KCNG2: variants seen among roughly 807,000 people sequenced by gnomAD.
KCNG2 encodes the protein potassium voltage-gated channel modifier subfamily G member 2, also known as voltage-gated potassium channel regulatory subunit KCNG2.
A neutral mutation model predicts 12.3 loss-of-function variants in KCNG2; 7 were observed. The observed-to-expected ratio is 0.57, with a 90% CI of 0.32 to 1.07. The LOEUF (loss-of-function observed/expected upper bound fraction) is 1.07, where lower values mean the gene tolerates loss of function less well. KCNG2 is among the 50% of genes least tolerant of loss of function. The pLI, the probability that KCNG2 is intolerant of heterozygous loss-of-function variation, is 0.04. For synonymous variants in KCNG2, 414 were observed against 351.4 expected, an observed-to-expected ratio of 1.18 and a Z score of -1.99; for missense variants, 703 against 726.0, an observed-to-expected ratio of 0.97 and a Z score of 0.36.
intron 1 of KCNG2, among the ~76,000 whole-genome samples, chr18:79,849,481 C>T (rs1171176285): frequency 3.3e-5 from 5 of 152,224 alleles, no homozygotes; most frequent in Non-Finnish European, 5.9e-5. Context: ...CAAGGTCGTC[C>T]GCGTGCAGGA....
At chr18:79,870,196 G>A (rs991262758) in intron 3 of KCNG2, among the ~76,000 whole-genome samples, 3 of 152,240 alleles carry the variant, frequency 2.0e-5, no homozygotes, top group Non-Finnish European at 4.4e-5. Context: ...AGCCCCCCAC[G>A]TCGAAGGCGC....
At chr18:79,798,150 T>G (rs2087377146) in intron 1 of KCNG2, among the ~76,000 whole-genome samples, 136 bp downstream of exon 1, 1 of 137,300 alleles carries the variant, frequency 7.3e-6, no homozygotes, top group Admixed American at 7.4e-5. Context: ...GGGTGCGCGG[T>G]GCGCGCGGGC....
At chr18:79,838,288 CA>C (rs1330720213) in intron 1 of KCNG2, among the ~76,000 whole-genome samples, 5 of 152,092 alleles carry the variant, frequency 3.3e-5, no homozygotes, top group African/African-American at 1.2e-4. Context: ...GAACTGAAAT[CA>C]TATAAGTGTT....
intron 2 of KCNG2, among the ~76,000 whole-genome samples, chr18:79,862,471 C>T (rs1979257391): frequency 1.3e-5 from 2 of 152,214 alleles, no homozygotes. Context: ...CTTCAGCACT[C>T]ATCCAGGCTG....
intron 3 of KCNG2, among the ~76,000 whole-genome samples, chr18:79,866,496 AG>A: frequency 5.1e-5 from 5 of 98,342 alleles, no homozygotes; most frequent in African/African-American, 2.0e-4. Context: ...GTGTGCTGAG[AG>A]GTCTGGGTGC....
At chr18:79,843,317 A>G (rs1042092830) in intron 1 of KCNG2, among the ~76,000 whole-genome samples, 8 of 152,352 alleles carry the variant, frequency 5.3e-5, no homozygotes, top group African/African-American at 1.9e-4. Flanking sequence ...TAGGGAGTTT[A>G]TCACCACTAA....
chr18:79,872,237 A>C (rs2123091439), intron 3 of KCNG2, among the ~76,000 whole-genome samples: 1 of 151,192 alleles, frequency 6.6e-6, no homozygotes, highest in African/African-American at 2.4e-5. Flanking sequence ...GGCAAAAAAA[A>C]AAAAAAAGCT....
At chr18:79,826,363 C>T (rs576188325) in intron 1 of KCNG2, among the ~76,000 whole-genome samples, 66 of 152,392 alleles carry the variant, frequency 4.3e-4, no homozygotes, top group African/African-American at 1.5e-3. Flanking sequence ...GGCGCCCGTT[C>T]TGCTCCCTTC....
intron 3 of KCNG2, chr18:79,875,925 TCCTGTTGAG>T (rs1980051438): frequency 6.6e-6 from 1 of 152,318 alleles, no homozygotes; most frequent in Admixed American, 6.5e-5. Flanking sequence ...AAATCAAAAT[TCCTGTTGAG>T]CCAGTAAGAA....
At chr18:79,845,203 A>C (rs571725298) in intron 1 of KCNG2, among the ~76,000 whole-genome samples, 8 of 152,350 alleles carry the variant, frequency 5.3e-5, no homozygotes, top group Non-Finnish European at 1.0e-4. Flanking sequence ...CATTCATAAC[A>C]TTCTTGAAAT....
chr18:79,872,287 T>TTTTTTTTTTG (rs1979874094), intron 3 of KCNG2, among the ~76,000 whole-genome samples: 2 of 113,506 alleles, frequency 1.8e-5, no homozygotes, highest in Non-Finnish European at 3.6e-5. Flanking sequence ...TCAGTTTTTT[T>TTTTTTTTTTG]TTTTTTTTTT....
chr18:79,851,962 C>T (rs918886517), intron 1 of KCNG2, among the ~76,000 whole-genome samples: 2 of 152,186 alleles, frequency 1.3e-5, no homozygotes, highest in Admixed American at 6.5e-5. Flanking sequence ...GATTTATTTT[C>T]GTTTTATAGA....
chr18:79,895,371 C>T, intron 3 of KCNG2, among the ~76,000 whole-genome samples: 1 of 150,638 alleles, frequency 6.6e-6, no homozygotes, highest in Non-Finnish European at 1.5e-5. Context: ...ATTGTTCACT[C>T]CATTCATAAT....
intron 1 of KCNG2, among the ~76,000 whole-genome samples, chr18:79,824,905 A>G (rs1190106103): frequency 6.6e-6 from 1 of 152,064 alleles, no homozygotes; most frequent in Non-Finnish European, 1.5e-5. Context: ...TTGATGAGTG[A>G]TATTGAACTT....
intron 1 of KCNG2, among the ~76,000 whole-genome samples, chr18:79,821,394 A>G (rs2087569434): frequency 6.7e-6 from 1 of 148,560 alleles, no homozygotes; most frequent in African/African-American, 2.5e-5. Flanking sequence ...GGTTCAAATG[A>G]TTCTCCTGCC....
intron 1 of KCNG2, among the ~76,000 whole-genome samples, chr18:79,825,457 A>T (rs2087606364): frequency 6.6e-6 from 1 of 152,208 alleles, no homozygotes; most frequent in African/African-American, 2.4e-5. Context: ...TGGGTCCATA[A>T]AAATATCTTT....
At chr18:79,861,031 A>T (rs952128595) in intron 2 of KCNG2, among the ~76,000 whole-genome samples, 9 of 152,176 alleles carry the variant, frequency 5.9e-5, no homozygotes, top group Non-Finnish European at 1.2e-4. Context: ...TCAGGAAAGG[A>T]TGTTAGACTT....
chr18:79,871,591 C>T (rs1034415848), intron 3 of KCNG2, among the ~76,000 whole-genome samples: 15 of 152,130 alleles, frequency 9.9e-5, no homozygotes, highest in Non-Finnish European at 1.5e-4. Context: ...TGACGTCTTG[C>T]GGCAGCAAGT....
chr18:79,888,354 G>A (rs1364870394), intron 3 of KCNG2, among the ~76,000 whole-genome samples: 3 of 152,094 alleles, frequency 2.0e-5, no homozygotes, highest in African/African-American at 7.2e-5. Context: ...GGCTGCAGGG[G>A]GGCTGGGACA....
Sources: gnomAD v4.1 joint callset for allele counts (sites outside exome capture counted in the v4.1 genomes callset) on GRCh38, gnomAD v4.1.1 for gene constraint, MANE v1.5 for transcripts, NCBI Gene and HGNC (gene_info 2026-07-23, HGNC 2026-07-21) for gene names.